Variants in MBD3L1 observed in about 807,000 individuals in gnomAD.
MBD3L1 encodes the protein methyl-CpG-binding domain protein 3-like 1.
For missense variants in MBD3L1, 203 were observed against 230.1 expected (o/e 0.88, Z 0.76); for synonymous variants, 84 against 85.1 (o/e 0.99, Z 0.07).
chr19:8,840,232 T>C (rs1295163109), intron 1 of MBD3L1, among the ~76,000 whole-genome samples: 1 of 143,750 alleles, frequency 7.0e-6, no homozygotes, highest in African/African-American at 2.6e-5. Flanking sequence ...TACATTGCAA[T>C]ATTGGAAGCA....
Position 8,842,658 on chromosome 19 carries a change from T to C in MBD3L1, c.-21T>C, listed in dbSNP as rs372191570. On this transcript the variant is annotated splice_region_variant and 5_prime_UTR_variant, in exon 3 of 3. Coordinates refer to ENST00000595891, the MANE Select transcript of MBD3L1 (RefSeq NM_001393532.1). ...CCCATTTCATGATTTATTTTAATAG[T>C]GTAAGAGGAAAAGAAGTGTGATGGC... 26 of 1,597,426 alleles carry C rather than the reference T, an allele frequency of 1.6e-5. No homozygotes were observed. The highest frequency in any genetic ancestry group is 5.6e-5 in the South Asian group (5 of 89,816).
At chr19:8,841,706 G>A (rs1048836016) in intron 2 of MBD3L1, among the ~76,000 whole-genome samples, 4 of 151,876 alleles carry the variant, frequency 2.6e-5, no homozygotes, top group East Asian at 2.0e-4. Flanking sequence ...ACAGGTGCCC[G>A]CCACCATGCC....
chr19:8,836,421 TC>T (rs1361794618), intron 1 of MBD3L1, among the ~76,000 whole-genome samples: 1 of 151,546 alleles, frequency 6.6e-6, no homozygotes, highest in African/African-American at 2.4e-5. Context: ...CCTTCTTCTT[TC>T]TTCTTTCCTC....
intron 1 of MBD3L1, among the ~76,000 whole-genome samples, chr19:8,838,158 G>A (rs985121777): frequency 1.4e-5 from 2 of 145,570 alleles, no homozygotes; most frequent in Admixed American, 7.2e-5. Flanking sequence ...TGAGGCAGGA[G>A]AATCGCTTGA....
In MBD3L1 at chr19:8,839,731, T is replaced by C. The variant is rs1245600610; in HGVS notation, c.-106-1184T>C. On this transcript the variant is annotated intron_variant, in intron 1 of 2. Coordinates refer to ENST00000595891, the MANE Select transcript of MBD3L1 (RefSeq NM_001393532.1). ...TGAGGAGTTGCTGGAGGTGAGGAGA[T>C]AGGAGACATAGATGTAGATGATCTT... Among the ~76,000 whole-genome samples the C allele has an allele frequency of 5.3e-5, 8 of 151,924 alleles. No individual in the cohort carries two copies. The East Asian group carries it at 1.4e-3, about 26-fold the overall frequency.
At position 8,842,911 on chromosome 19, in the gene MBD3L1, G is replaced by A. The variant is rs771989170; in HGVS notation, c.233G>A (p.Ser78Asn). ...QRRLQGLQAY[S>N]SAGELSSTLD... is the part of the protein sequence containing the mutation. ...AGACTGCAGGGACTCCAGGCTTACA[G>A]CAGTGCAGGAGAACTTTCAAGCACT... Residue 78 changes from serine (S) to asparagine (N), a missense_variant, in exon 3 of 3, where the codon AGC becomes AAC. Transcript: ENST00000595891. 1 of 1,614,244 alleles carries A rather than the reference G, an allele frequency of 6.2e-7. No individual in the cohort carries two copies. Among genetic ancestry groups the A allele is most frequent in the Non-Finnish European group, 8.5e-7 (1 of 1,180,038 alleles).
chr19:8,832,420 G>A lies in MBD3L1; in HGVS notation c.-209G>A, dbSNP rs2044384953. On this transcript the variant is annotated 5_prime_UTR_variant, in exon 1 of 3. Transcript: ENST00000595891. ...GGGGTTCGGCGCTTAGGCGACAGGC[G>A]CGGCGGGCGGGAGCGGCGGCCGCGA... 2 of 152,952 alleles carry A rather than the reference G, an allele frequency of 1.3e-5. No homozygotes were observed. The highest frequency in any genetic ancestry group is 1.5e-5 in the Non-Finnish European group (1 of 68,602). 9.5% of individuals were successfully genotyped at this position (152,952 alleles called of 1,614,324 possible).
intron 1 of MBD3L1, 36 bp downstream of exon 1, chr19:8,832,558 G>A (rs1487568923): frequency 6.5e-6 from 1 of 153,162 alleles, no homozygotes; most frequent in East Asian, 1.9e-4. Context: ...CAGGCTGTGA[G>A]CCGCACGAGG....
intron 2 of MBD3L1, among the ~76,000 whole-genome samples, chr19:8,841,554 C>T (rs773068446): frequency 1.3e-5 from 2 of 151,828 alleles, no homozygotes; most frequent in Admixed American, 6.6e-5. Context: ...ATAAGTTTTC[C>T]GATTTATTTA....
chr19:8,835,001 C>T (rs990799722), intron 1 of MBD3L1, among the ~76,000 whole-genome samples: 2 of 151,410 alleles, frequency 1.3e-5, no homozygotes, highest in African/African-American at 4.8e-5. Context: ...TATATAAAGG[C>T]TTGCGACTCA....
Position 8,842,798 on chromosome 19 carries a change from G to A in MBD3L1, c.120G>A (p.Thr40=), listed in dbSNP as rs375944047. 81 of 1,614,088 alleles carry A rather than the reference G, an allele frequency of 5.0e-5. No homozygotes were observed. The highest frequency in any genetic ancestry group is 6.7e-5 in the Admixed American group (4 of 59,996). The change falls in exon 3 of 3, where the codon ACG becomes ACA. Residue 40 remains threonine, a synonymous_variant. Transcript: ENST00000595891. ...MSSYTFKRPV[T]RITPHPGNEV... Reference sequence around the variant, plus strand: ...GTTACACATTCAAGAGGCCAGTAACGAGAATTACACCCCATCCTGGCAATG... The same window carrying A: ...GTTACACATTCAAGAGGCCAGTAACAAGAATTACACCCCATCCTGGCAATG...
chr19:8,837,616 G>A (rs904992318), intron 1 of MBD3L1, among the ~76,000 whole-genome samples: 2 of 152,148 alleles, frequency 1.3e-5, no homozygotes, highest in African/African-American at 4.8e-5. Flanking sequence ...TTTGCCTCAA[G>A]CCTTGTGACA....
At chr19:8,843,319 CTT>C, downstream of MBD3L1, 4 of 1,314,508 alleles carry the variant, frequency 3.0e-6, no homozygotes, top group Non-Finnish European at 4.1e-6. Context: ...ATTAACATCT[CTT>C]TGCAGTGTCC....
At chr19:8,842,304 G>A (rs775735985) in intron 2 of MBD3L1, among the ~76,000 whole-genome samples, 1 of 137,120 alleles carries the variant, frequency 7.3e-6, no homozygotes, top group African/African-American at 2.9e-5. Context: ...TCCAGCCTGA[G>A]TGACGGAGTG....
chr19:8,834,428 T>G (rs924482862), intron 1 of MBD3L1, among the ~76,000 whole-genome samples: 1 of 151,072 alleles, frequency 6.6e-6, no homozygotes, highest in Non-Finnish European at 1.5e-5. Context: ...GCTAACATGG[T>G]GAAACCCCGT....
intron 2 of MBD3L1, among the ~76,000 whole-genome samples, chr19:8,841,950 A>G (rs561816492): frequency 1.3e-5 from 2 of 152,226 alleles, no homozygotes; most frequent in African/African-American, 4.8e-5. Flanking sequence ...TGATAATTTC[A>G]TTATTGACTT....
At chr19:8,833,110 G>A (rs1190926542) in intron 1 of MBD3L1, 1 of 152,476 alleles carries the variant, frequency 6.6e-6, no homozygotes, top group African/African-American at 2.4e-5. Context: ...TGAATAAAAG[G>A]GTGTATGATG....
chr19:8,842,318 C>CA (rs35231202), intron 2 of MBD3L1, among the ~76,000 whole-genome samples: 65,512 of 114,446 alleles, frequency 0.57, 17,606 homozygotes, highest in South Asian at 0.67. Context: ...CGGAGTGGGA[C>CA]AAAAAAAAAA....
rs74599256 is a variant in MBD3L1 at position 8,836,082 on chromosome 19, G to A, written c.-107+3560G>A. Among the ~76,000 whole-genome samples the A allele has an allele frequency of 4.0e-3, 616 of 152,276 alleles. 3 individuals carry two copies. Among genetic ancestry groups the A allele is most frequent in the African/African-American group, 0.013 (521 of 41,564 alleles). On this transcript the variant is annotated intron_variant, in intron 1 of 2. Transcript: ENST00000595891. ...AAGATTAGATAGTGGTGACGATTGC[G>A]CAACTGTGTGAATGTACTAAAAACC...
Sources: gnomAD v4.1 joint callset for allele counts (sites outside exome capture counted in the v4.1 genomes callset) on GRCh38, gnomAD v4.1.1 for gene constraint, MANE v1.5 for transcripts, NCBI Gene and HGNC (gene_info 2026-07-23, HGNC 2026-07-21) for gene names.